Variants in RP1 observed in about 807,000 individuals in gnomAD.
RP1 encodes the protein RP1 axonemal microtubule associated.
RP1 carries 16 observed loss-of-function variants against 14.8 expected under a neutral mutation model. That is an observed-to-expected ratio of 1.08 (90% CI 0.73 to 1.65). The LOEUF (loss-of-function observed/expected upper bound fraction) is 1.65, where lower values mean the gene tolerates loss of function less well. Ranked by LOEUF, RP1 falls within the 40% of genes most tolerant of loss-of-function variation. RP1 has a pLI of 0.00. For synonymous variants in RP1, 876 were observed against 883.6 expected (o/e 0.99, Z 0.15); for missense variants, 2,631 against 2,535.0 (o/e 1.04, Z -0.81).
rs71554177 is a variant in RP1 at position 54,761,233 on chromosome 8, C to CTTTT, written c.3248+2175_3248+2178dup. Among the ~76,000 whole-genome samples the CTTTT allele has an allele frequency of 1.3e-3, 142 of 109,150 alleles. 4 individuals are homozygous for CTTTT. The highest frequency in any genetic ancestry group is 0.011 in the Admixed American group (103 of 9,294). 71.6% of individuals were successfully genotyped at this position (109,150 alleles called of 152,430 possible). A position where few individuals can be genotyped will look rare whatever the true frequency, so the allele number is the denominator to read the frequency against. ...ACCCATCATTTCTTGCGCTACCTTACTTTTTTTTTTTTTTTTTTTTTGAGA... is the reference window on the plus strand; with the variant it reads ...ACCCATCATTTCTTGCGCTACCTTACTTTTTTTTTTTTTTTTTTTTTTTTTGAGA... On this transcript the variant is annotated intron_variant, in intron 22 of 22. Transcript: ENST00000636932.
At chr8:54,575,728 T>C (rs1270105704) in intron 1 of RP1, among the ~76,000 whole-genome samples, 1 of 152,216 alleles carries the variant, frequency 6.6e-6, no homozygotes, top group Non-Finnish European at 1.5e-5. Context: ...GATTATTTTG[T>C]CACCCAGGTA....
At chr8:54,776,050 T>A (rs1034248303) in intron 23 of RP1, among the ~76,000 whole-genome samples, 3 of 152,130 alleles carry the variant, frequency 2.0e-5, no homozygotes, top group African/African-American at 7.2e-5. Flanking sequence ...AATAACAATA[T>A]AACAACAGAA....
intron 4 of RP1, among the ~76,000 whole-genome samples, chr8:54,651,813 T>G (rs985787186): frequency 1.3e-5 from 2 of 152,172 alleles, no homozygotes; most frequent in Non-Finnish European, 2.9e-5. Context: ...CCTTAAGATG[T>G]AAAGTTAGGT....
chr8:54,828,014 T>A (rs1811427164), intron 24 of RP1, among the ~76,000 whole-genome samples: 1 of 152,162 alleles, frequency 6.6e-6, no homozygotes, highest in South Asian at 2.1e-4. Context: ...AATATCACCA[T>A]CTTTCACCTC....
chr8:54,674,917 T>C (rs886205228), intron 8 of RP1, among the ~76,000 whole-genome samples: 1 of 152,184 alleles, frequency 6.6e-6, no homozygotes, highest in Non-Finnish European at 1.5e-5. Context: ...CCTGAATCCA[T>C]AGTAAATATT....
intron 17 of RP1, chr8:54,726,562 A>AT (rs1164294386): frequency 7.2e-7 from 1 of 1,386,212 alleles, no homozygotes; most frequent in African/African-American, 1.5e-5. Flanking sequence ...CTATTAAATT[A>AT]TTTTTACAGC....
rs185661929 is a variant in RP1, at chr8:54,584,257, T to C, written c.-13+24937T>C. Among the ~76,000 whole-genome samples the C allele has an allele frequency of 1.5e-3, 231 of 152,364 alleles. 1 individual carries two copies. Among genetic ancestry groups the C allele is most frequent in the Non-Finnish European group, 2.9e-3 (197 of 68,034 alleles). On this transcript the variant is annotated intron_variant, in intron 1 of 22. Coordinates refer to the RP1 transcript ENST00000636932. ...TTATTTCTGTCTTCATTTCGTTATG[T>C]ACCCAGTAGTCATTCAGGAGCAGAT... is the stretch of plus-strand genomic sequence containing the variant.
intron 28 of RP1, among the ~76,000 whole-genome samples, chr8:54,868,675 C>A (rs1037042946): frequency 6.6e-6 from 1 of 152,078 alleles, no homozygotes; most frequent in African/African-American, 2.4e-5. Context: ...CTGAAGAATT[C>A]CCTGCACAAG....
intron 6 of RP1, among the ~76,000 whole-genome samples, chr8:54,658,977 T>A (rs1049940431): frequency 2.0e-5 from 3 of 152,108 alleles, no homozygotes; most frequent in Admixed American, 2.0e-4. Context: ...TAATTAGTGA[T>A]GTTGAATTTT....
chr8:54,584,392 G>A (rs1055033062), intron 1 of RP1, among the ~76,000 whole-genome samples: 2 of 152,072 alleles, frequency 1.3e-5, no homozygotes, highest in Admixed American at 6.6e-5. Context: ...CTGTTCTTTT[G>A]CATTTGCTCA....
In RP1 at chr8:54,629,420, A is replaced by C. The variant is rs754014981; in HGVS notation, c.5538A>C (p.Arg1846Ser). 6.2e-7 allele frequency: 1 copy of C among 1,614,168 alleles called. No individual in the cohort carries two copies. Among genetic ancestry groups the C allele is most frequent in the South Asian group, 1.1e-5 (1 of 91,082 alleles). ...GCAATGAAACCTGTGCCAAGGAAAG[A>C]ATAGCAAATCATCATACAGAGGAGA... ...DVRNETCAKE[R>S]IANHHTEEKG... is the part of the protein sequence containing the mutation. Residue 1846 changes from arginine (R) to serine (S), a missense_variant, in exon 4 of 4, where the codon AGA becomes AGC. By Grantham distance (110) the Arg-to-Ser change is moderately radical (BLOSUM62 -1). Coordinates refer to ENST00000220676, the MANE Select transcript of RP1 (RefSeq NM_006269.2).
intron 15 of RP1, among the ~76,000 whole-genome samples, chr8:54,710,873 G>A (rs1400749777): frequency 2.0e-5 from 3 of 152,088 alleles, no homozygotes; most frequent in African/African-American, 4.8e-5. Context: ...GGCAACATTC[G>A]ACTGGTAAAA....
chr8:54,561,292 CCTT>C (rs1335759966), intron 1 of RP1, among the ~76,000 whole-genome samples: 4 of 152,166 alleles, frequency 2.6e-5, no homozygotes, highest in Admixed American at 6.5e-5. Flanking sequence ...AAATCATTTT[CCTT>C]CTTCTTTTTG....
intron 1 of RP1, among the ~76,000 whole-genome samples, chr8:54,563,943 C>T (rs181856869): frequency 4.6e-5 from 7 of 152,232 alleles, no homozygotes; most frequent in African/African-American, 1.2e-4. Context: ...AGGACTAATC[C>T]GTGTCAGCAG....
At chr8:54,696,667 T>G in intron 12 of RP1, 1 of 815,342 alleles carries the variant, frequency 1.2e-6, no homozygotes, top group Non-Finnish European at 2.0e-6. Flanking sequence ...TGGCCTTTGT[T>G]GTACGCATCA....
intron 14 of RP1, among the ~76,000 whole-genome samples, chr8:54,703,050 C>T (rs1431022883): frequency 2.0e-5 from 3 of 152,152 alleles, no homozygotes; most frequent in Non-Finnish European, 2.9e-5. Flanking sequence ...CACTCAAAAT[C>T]GTTCACGAGG....
rs868591794 is a variant in RP1 at position 54,627,343 on chromosome 8, C to A, written c.3461C>A (p.Thr1154Asn). 8.1e-6 allele frequency: 13 copies of A among 1,614,128 alleles called. No homozygotes were observed. Among genetic ancestry groups the A allele is most frequent in the Non-Finnish European group, 1.0e-5 (12 of 1,179,980 alleles). Residue 1154 changes from threonine to asparagine, a missense_variant, in exon 4 of 4, where the codon ACC becomes AAC. By Grantham distance (65) the Thr-to-Asn change is moderately conservative. Coordinates refer to ENST00000220676, the MANE Select transcript of RP1 (RefSeq NM_006269.2). ...TGTCAAGTTGATGCTCACAAGGCTA[C>A]CAACAAATCTTCAGAAACACTTGCA... ...SFCQVDAHKA[T>N]NKSSETLALL...
At chr8:54,587,103 G>A (rs1433990410) in intron 1 of RP1, among the ~76,000 whole-genome samples, 3 of 152,196 alleles carry the variant, frequency 2.0e-5, no homozygotes, top group Non-Finnish European at 4.4e-5. Context: ...GGGAGCTATA[G>A]ACTGGAGCTG....
intron 24 of RP1, among the ~76,000 whole-genome samples, chr8:54,805,457 A>G (rs1359790309): frequency 6.6e-6 from 1 of 152,210 alleles, no homozygotes; most frequent in Non-Finnish European, 1.5e-5. Flanking sequence ...AAAATAAAAT[A>G]ATACAAAATA....
Sources: allele counts gnomAD v4.1 joint callset (sites outside exome capture counted in the v4.1 genomes callset), GRCh38; gene constraint gnomAD v4.1.1; transcripts MANE v1.5; gene names NCBI Gene and HGNC (gene_info 2026-07-23, HGNC 2026-07-21).